The following BICD1 variants were observed in gnomAD, a reference collection of about 807,000 sequenced individuals.
BICD1 encodes the protein BICD cargo adaptor 1, also known as protein bicaudal D homolog 1.
Under a neutral mutation model 92.5 loss-of-function variants are expected in BICD1, and 35 were observed. The observed-to-expected ratio is 0.38, with a 90% confidence interval of 0.29 to 0.50. BICD1 has a LOEUF of 0.50. Among genes scored for constraint, BICD1 ranks in the 20% least tolerant of loss-of-function variants. The pLI is 0.93. For missense variants in BICD1, 950 were observed against 1,189.8 expected (o/e 0.80, Z 2.97); for synonymous variants, 429 against 465.1 (o/e 0.92, Z 1.00).
intron 1 of BICD1, among the ~76,000 whole-genome samples, chr12:32,118,210 G>A (rs1406449936): frequency 6.6e-6 from 1 of 151,636 alleles, no homozygotes; most frequent in African/African-American, 2.4e-5. Context: ...AGCCTCCCAA[G>A]TAGCTGGGAC....
chr12:32,127,245 C>A (rs1056163182), intron 1 of BICD1, among the ~76,000 whole-genome samples: 3 of 152,128 alleles, frequency 2.0e-5, no homozygotes, highest in Non-Finnish European at 4.4e-5. Context: ...TAAAAACATG[C>A]ACCTATATTG....
rs1177811447 is a variant in BICD1 at position 32,180,408 on chromosome 12, A to G, written c.214-35839A>G. Among the ~76,000 whole-genome samples, 7 of 152,048 alleles carry G rather than the reference A, an allele frequency of 4.6e-5. No homozygotes were observed. In the East Asian group the frequency reaches 1.3e-3, roughly 29 times the overall value. On this transcript the variant is annotated intron_variant, in intron 1 of 9. Transcript: ENST00000652176. ...GCCTTAAAATAGGCATCAGGTACAC[A>G]TTCTATTTATGATTCTGGGATTAGG...
chr12:32,169,548 G>A (rs753305632), intron 1 of BICD1, among the ~76,000 whole-genome samples: 10 of 151,844 alleles, frequency 6.6e-5, no homozygotes, highest in Non-Finnish European at 1.0e-4. Context: ...CAAAGTGTTG[G>A]GATTACAGGC....
At chr12:32,233,779 CT>C (rs1945974805) in intron 2 of BICD1, among the ~76,000 whole-genome samples, 2 of 152,194 alleles carry the variant, frequency 1.3e-5, no homozygotes, top group South Asian at 2.1e-4. Flanking sequence ...AGCATTCCAT[CT>C]GGGATGCTTA....
intron 1 of BICD1, among the ~76,000 whole-genome samples, chr12:32,214,257 C>T (rs1945292839): frequency 1.3e-5 from 2 of 152,160 alleles, no homozygotes; most frequent in African/African-American, 4.8e-5. Context: ...TCCAAAGACC[C>T]TAGTTCTTTT....
chr12:32,127,456 G>C (rs1798606), intron 1 of BICD1, among the ~76,000 whole-genome samples: 44,020 of 151,984 alleles, frequency 0.29, 6,607 homozygotes, highest in Admixed American at 0.43. Context: ...TTTCCAATGT[G>C]TGTTTTGTGA....
intron 1 of BICD1, among the ~76,000 whole-genome samples, chr12:32,162,176 G>A (rs1334348184): frequency 6.6e-6 from 1 of 152,146 alleles, no homozygotes; most frequent in Non-Finnish European, 1.5e-5. Flanking sequence ...TGTCTGATTG[G>A]TGGATTCTAA....
rs1252791295 is a variant in BICD1, at chr12:32,313,192, A to G, written c.1005+7070A>G. 1.3e-5 allele frequency among the ~76,000 whole-genome samples: 2 copies of G among 152,204 alleles called. No individual in the cohort carries two copies. Among genetic ancestry groups the G allele is most frequent in the African/African-American group, 4.8e-5 (2 of 41,464 alleles). On this transcript the variant is annotated intron_variant, in intron 4 of 9. Transcript: ENST00000652176. This position sits in a 1 kb window ranked among gnomAD's most constrained non-coding sequence, Gnocchi z 4.2. ...AAACAGTAATGTTTCTGTAAAACTAAAATTAATATATTCTGTTGCATCCTC... is the reference window on the plus strand; with the variant it reads ...AAACAGTAATGTTTCTGTAAAACTAGAATTAATATATTCTGTTGCATCCTC...
chr12:32,232,453 A>G (rs1472265603), intron 2 of BICD1, among the ~76,000 whole-genome samples: 1 of 151,060 alleles, frequency 6.6e-6, no homozygotes, highest in Non-Finnish European at 1.5e-5. Context: ...TTTTCTTGTA[A>G]ATTTGTTTGA....
intron 2 of BICD1, among the ~76,000 whole-genome samples, chr12:32,260,484 CA>C (rs1266425239): frequency 6.6e-6 from 1 of 152,078 alleles, no homozygotes; most frequent in East Asian, 1.9e-4. Context: ...ACATTGCTAC[CA>C]AGGACTCGCA....
At chr12:32,115,001 G>A (rs1363577915) in intron 1 of BICD1, among the ~76,000 whole-genome samples, 1 of 152,022 alleles carries the variant, frequency 6.6e-6, no homozygotes, top group Non-Finnish European at 1.5e-5. Flanking sequence ...TAATTTAAGT[G>A]GGTTTTTTTC....
intron 1 of BICD1, chr12:32,108,875 C>T: frequency 2.0e-6 from 1 of 508,350 alleles, no homozygotes; most frequent in Non-Finnish European, 3.5e-6. Context: ...CTGGTCTTAA[C>T]AACAGCTGGA....
At chr12:32,308,154 A>T (rs73295807) in intron 4 of BICD1, among the ~76,000 whole-genome samples, 15,517 of 152,214 alleles carry the variant, frequency 0.1, 910 homozygotes, top group African/African-American at 0.15. Context: ...ACAAGTAAGT[A>T]CTCAGCTGGA....
chr12:32,285,223 A>G (rs1033224236), intron 2 of BICD1, among the ~76,000 whole-genome samples: 1 of 152,174 alleles, frequency 6.6e-6, no homozygotes, highest in Non-Finnish European at 1.5e-5. Context: ...GGGGTAATCA[A>G]TTGCTTAGGC....
intron 3 of BICD1, among the ~76,000 whole-genome samples, chr12:32,295,676 CAG>C (rs1359701794): frequency 7.0e-6 from 1 of 142,046 alleles, no homozygotes; most frequent in East Asian, 2.0e-4. Context: ...TTTTTTGCGA[CAG>C]AGTCTTGCTG....
At chr12:32,358,105 T>C (rs1669456505) in intron 8 of BICD1, among the ~76,000 whole-genome samples, 1 of 152,028 alleles carries the variant, frequency 6.6e-6, no homozygotes. Flanking sequence ...GAGTTTGGTT[T>C]GTTTGTTTGT....
intron 2 of BICD1, among the ~76,000 whole-genome samples, chr12:32,242,980 T>A (rs755350419): frequency 6.6e-6 from 1 of 152,210 alleles, no homozygotes; most frequent in Non-Finnish European, 1.5e-5. Context: ...GAGGATTAAA[T>A]GAGTCCTTAC....
intron 1 of BICD1, among the ~76,000 whole-genome samples, chr12:32,190,982 A>G (rs1281767404): frequency 6.6e-6 from 1 of 152,248 alleles, no homozygotes; most frequent in Non-Finnish European, 1.5e-5. Flanking sequence ...ACACTCCTGA[A>G]CAACTACTTG....
intron 2 of BICD1, among the ~76,000 whole-genome samples, chr12:32,253,446 A>G (rs1020925781): frequency 6.6e-6 from 1 of 152,090 alleles, no homozygotes; most frequent in Non-Finnish European, 1.5e-5. Context: ...CTCAAAATAT[A>G]CAAATTTAAT....
Sources: gnomAD v4.1 joint callset for allele counts (sites outside exome capture counted in the v4.1 genomes callset) on GRCh38, gnomAD v4.1.1 for gene constraint, Gnocchi (gnomAD v3.1) non-coding constraint, MANE v1.5 for transcripts, NCBI Gene and HGNC (gene_info 2026-07-23, HGNC 2026-07-21) for gene names.